CUBN: variants seen among roughly 807,000 people sequenced by gnomAD.
The protein encoded by CUBN is cubilin, also known as 460 kDa receptor.
CUBN carries 282 observed loss-of-function variants against 405.3 expected under a neutral mutation model. The observed-to-expected ratio is 0.70, with a 90% CI of 0.63 to 0.77. The LOEUF (loss-of-function observed/expected upper bound fraction) is 0.77, where lower values mean the gene tolerates loss of function less well. CUBN is among the 30% of genes least tolerant of loss of function. The pLI is 0.00. For missense variants in CUBN, 4,514 were observed against 4,475.2 expected, an observed-to-expected ratio of 1.01 and a Z score of -0.25; for synonymous variants, 1,684 against 1,617.0, an observed-to-expected ratio of 1.04 and a Z score of -0.99.
intron 17 of CUBN, among the ~76,000 whole-genome samples, chr10:17,073,715 G>A (rs1287829552): frequency 6.6e-6 from 1 of 152,046 alleles, no homozygotes; most frequent in African/African-American, 2.4e-5. Context: ...CAAAGTGCTG[G>A]GATTACACGC....
intron 6 of CUBN, among the ~76,000 whole-genome samples, chr10:17,115,962 T>C (rs1213647583): frequency 6.6e-6 from 1 of 152,234 alleles, no homozygotes; most frequent in African/African-American, 2.4e-5. Flanking sequence ...ATTCATCATC[T>C]GTCCAATTGG....
At chr10:16,895,779 G>A (rs551345584) in intron 54 of CUBN, among the ~76,000 whole-genome samples, 2 of 152,136 alleles carry the variant, frequency 1.3e-5, no homozygotes, top group East Asian at 1.9e-4. Flanking sequence ...GTACCTACGT[G>A]GTTGAATTGG....
chr10:17,055,489 TCA>T (rs1167635065), intron 22 of CUBN, among the ~76,000 whole-genome samples: 1 of 152,102 alleles, frequency 6.6e-6, no homozygotes, highest in African/African-American at 2.4e-5. Context: ...TTTAACTTAT[TCA>T]CAGTTATTGT....
intron 15 of CUBN, among the ~76,000 whole-genome samples, chr10:17,087,476 T>C (rs74763511): frequency 3.7e-5 from 4 of 108,720 alleles, no homozygotes; most frequent in Admixed American, 2.9e-4. Flanking sequence ...CTTTTTCTTT[T>C]TTTTTTTTTT....
chr10:17,023,380 A>G (rs367629778), intron 27 of CUBN, among the ~76,000 whole-genome samples: 1 of 79,340 alleles, frequency 1.3e-5, no homozygotes, highest in Non-Finnish European at 3.0e-5. Flanking sequence ...CTCGAAAAGG[A>G]AAAAAAAAAA....
intron 56 of CUBN, among the ~76,000 whole-genome samples, chr10:16,884,851 A>G (rs1429656473): frequency 6.6e-6 from 1 of 152,228 alleles, no homozygotes; most frequent in African/African-American, 2.4e-5. Flanking sequence ...TGGTCCACCA[A>G]GATGACAGAT....
intron 10 of CUBN, 58 bp from the exon 11 acceptor site, chr10:17,105,633 GT>G: frequency 1.1e-6 from 1 of 933,396 alleles, no homozygotes; most frequent in Non-Finnish European, 1.7e-6. Context: ...TTCGGATGCA[GT>G]ATCTAAACTC....
chr10:17,022,992 G>A (rs12257093), intron 27 of CUBN, among the ~76,000 whole-genome samples: 2,780 of 152,230 alleles, frequency 0.018, 95 homozygotes, highest in African/African-American at 0.063. Flanking sequence ...AGCATGTTGC[G>A]GAATTATATT....
chr10:16,844,888 C>G (rs557069223), intron 60 of CUBN, among the ~76,000 whole-genome samples: 1 of 152,292 alleles, frequency 6.6e-6, no homozygotes, highest in African/African-American at 2.4e-5. Flanking sequence ...CCTTTAGGAT[C>G]TACACCATTA....
chr10:16,873,309 G>T (rs1588609191), intron 58 of CUBN, among the ~76,000 whole-genome samples: 1 of 152,308 alleles, frequency 6.6e-6, no homozygotes, highest in East Asian at 1.9e-4. Context: ...CATCAGTCTT[G>T]TTGGGAATAG....
chr10:16,825,414 T>G (rs966427702), intron 66 of CUBN, among the ~76,000 whole-genome samples: 16 of 152,048 alleles, frequency 1.1e-4, no homozygotes, highest in Admixed American at 2.6e-4. Context: ...ATTGTATACT[T>G]TAAGGAGATG....
intron 43 of CUBN, among the ~76,000 whole-genome samples, chr10:16,924,586 A>T (rs1357678644): frequency 6.6e-6 from 1 of 152,128 alleles, no homozygotes; most frequent in Non-Finnish European, 1.5e-5. Context: ...GGTGGGACAA[A>T]GGAAAAATTT....
intron 37 of CUBN, among the ~76,000 whole-genome samples, chr10:16,939,362 G>A (rs1186272380): frequency 2.0e-5 from 3 of 152,136 alleles, no homozygotes; most frequent in Non-Finnish European, 2.9e-5. Context: ...GTGAAAAGAG[G>A]CCACAACTTC....
At position 17,043,811 on chromosome 10, in the gene CUBN, C is replaced by T. The variant is rs763987035; in HGVS notation, c.3829+16G>A. 38 of 1,611,822 alleles carry T rather than the reference C, an allele frequency of 2.4e-5. No individual in the cohort carries two copies. Among genetic ancestry groups the T allele is most frequent in the Middle Eastern group, 1.7e-4 (1 of 6,046 alleles). ...CTGCCAGTATACACACTTACTCTGC[C>T]GGTATTCACACTTACTCTGCCGGTA... is the stretch of plus-strand genomic sequence containing the variant. On this transcript the variant is annotated intron_variant, in intron 26 of 66. Transcript: ENST00000377833.
chr10:16,848,338 A>G (rs1839580098), intron 60 of CUBN, among the ~76,000 whole-genome samples: 1 of 152,206 alleles, frequency 6.6e-6, no homozygotes, highest in African/African-American at 2.4e-5. Context: ...AGTTTTTAAG[A>G]AAAAGAAATT....
intron 45 of CUBN, among the ~76,000 whole-genome samples, chr10:16,916,987 T>C (rs1355349654): frequency 2.0e-5 from 3 of 151,930 alleles, no homozygotes; most frequent in Non-Finnish European, 4.4e-5. Context: ...CTAATTTTTG[T>C]ATTTTTAGTG....
At chr10:17,002,777 C>G (rs1833926505) in intron 28 of CUBN, among the ~76,000 whole-genome samples, 1 of 152,150 alleles carries the variant, frequency 6.6e-6, no homozygotes, top group Non-Finnish European at 1.5e-5. Flanking sequence ...GTGGGATTTT[C>G]TTAGTCACTA....
chr10:16,944,733 G>A (rs770256477), intron 36 of CUBN, among the ~76,000 whole-genome samples: 6 of 152,204 alleles, frequency 3.9e-5, no homozygotes, highest in African/African-American at 1.2e-4. Flanking sequence ...TCATTACGAT[G>A]TTCTATATGG....
intron 39 of CUBN, among the ~76,000 whole-genome samples, chr10:16,936,714 GCTTTT>G (rs1223959279): frequency 6.6e-6 from 1 of 152,000 alleles, no homozygotes; most frequent in Non-Finnish European, 1.5e-5. Flanking sequence ...TAAATAAATT[GCTTTT>G]CTTTTCTTTT....
Sources: allele counts gnomAD v4.1 joint callset (sites outside exome capture counted in the v4.1 genomes callset), GRCh38; gene constraint gnomAD v4.1.1; transcripts MANE v1.5; gene names NCBI Gene and HGNC (gene_info 2026-07-23, HGNC 2026-07-21).